The following PLCB1 variants were observed in gnomAD, a reference collection of about 807,000 sequenced individuals.
PLCB1 encodes phospholipase C beta 1.
Under a neutral mutation model 161.8 loss-of-function variants are expected in PLCB1, and 46 were observed. That is an observed-to-expected ratio of 0.28 (90% CI 0.22 to 0.36). PLCB1 has a LOEUF of 0.36. PLCB1 is among the 10% of genes least tolerant of loss of function. The pLI is 1.00. For missense variants in PLCB1, 1,016 were observed against 1,472.5 expected, an observed-to-expected ratio of 0.69 and a Z score of 5.07; for synonymous variants, 517 against 503.7, an observed-to-expected ratio of 1.03 and a Z score of -0.35.
intron 3 of PLCB1, among the ~76,000 whole-genome samples, chr20:8,612,818 C>A (rs920605200): frequency 6.6e-5 from 10 of 152,160 alleles, no homozygotes; most frequent in Non-Finnish European, 1.3e-4. Context: ...AAATACTCTA[C>A]CCCTGAGCTG....
intron 2 of PLCB1, among the ~76,000 whole-genome samples, chr20:8,269,062 A>G (rs1200157091): frequency 6.6e-6 from 1 of 151,990 alleles, no homozygotes; most frequent in Non-Finnish European, 1.5e-5. Context: ...ATTGATCCTG[A>G]GAATTTATGA....
chr20:8,140,790 A>C (rs981423011), intron 1 of PLCB1, among the ~76,000 whole-genome samples: 2 of 151,918 alleles, frequency 1.3e-5, no homozygotes, highest in Non-Finnish European at 2.9e-5. Context: ...ACAACAAAAA[A>C]CTTTTTATTT....
chr20:8,313,848 G>T (rs1334441243), intron 2 of PLCB1, among the ~76,000 whole-genome samples: 1 of 151,964 alleles, frequency 6.6e-6, no homozygotes, highest in Non-Finnish European at 1.5e-5. Context: ...ATACTTTCCT[G>T]GAAGCCTAAT....
intron 2 of PLCB1, among the ~76,000 whole-genome samples, chr20:8,186,667 G>A (rs766800527): frequency 3.3e-5 from 5 of 152,166 alleles, no homozygotes; most frequent in African/African-American, 4.8e-5. Context: ...TCTCTGAGAA[G>A]CAGACATCAT....
At chr20:8,722,739 A>G (rs1341850024) in intron 15 of PLCB1, among the ~76,000 whole-genome samples, 1 of 152,216 alleles carries the variant, frequency 6.6e-6, no homozygotes, top group African/African-American at 2.4e-5. Flanking sequence ...CACAGAACCT[A>G]GAAGAGAATC....
intron 22 of PLCB1, 27 bp from the exon 23 acceptor site, chr20:8,741,437 G>T (rs1314612263): frequency 2.0e-6 from 3 of 1,472,128 alleles, no homozygotes; most frequent in South Asian, 1.1e-5. Flanking sequence ...CAGGACCTTT[G>T]ATCTAAAATA....
intron 9 of PLCB1, among the ~76,000 whole-genome samples, chr20:8,674,688 C>A (rs1426306281): frequency 3.3e-5 from 5 of 152,162 alleles, no homozygotes; most frequent in Non-Finnish European, 5.9e-5. Flanking sequence ...GAGCTTCTCT[C>A]TTCAGGACAT....
intron 3 of PLCB1, among the ~76,000 whole-genome samples, chr20:8,619,091 T>C (rs1988107669): frequency 1.3e-5 from 2 of 152,180 alleles, no homozygotes; most frequent in Admixed American, 1.3e-4. Flanking sequence ...TGTAGTGAAC[T>C]GGTGGGAAAT....
chr20:8,834,825 A>AGCC (rs1986208173), intron 31 of PLCB1, among the ~76,000 whole-genome samples: 3 of 148,828 alleles, frequency 2.0e-5, no homozygotes, highest in Non-Finnish European at 3.0e-5. Flanking sequence ...AAAAAAAAAA[A>AGCC]AAAAAAAAAA....
intron 11 of PLCB1, among the ~76,000 whole-genome samples, chr20:8,705,174 A>C (rs2123445343): frequency 6.6e-6 from 1 of 152,182 alleles, no homozygotes; most frequent in East Asian, 1.9e-4. Context: ...TTGACACATA[A>C]AATTAATCAT....
chr20:8,275,133 G>C (rs1982467391), intron 2 of PLCB1, among the ~76,000 whole-genome samples: 1 of 152,010 alleles, frequency 6.6e-6, no homozygotes, highest in Admixed American at 6.6e-5. Flanking sequence ...ATTTTCTTGA[G>C]AAGGGAGGCT....
intron 2 of PLCB1, among the ~76,000 whole-genome samples, chr20:8,254,061 C>T (rs1460111417): frequency 1.3e-5 from 2 of 151,908 alleles, no homozygotes; most frequent in African/African-American, 4.8e-5. Context: ...TTGCTATTCA[C>T]ACATATATTG....
intron 18 of PLCB1, among the ~76,000 whole-genome samples, chr20:8,730,146 G>C (rs902957606): frequency 7.9e-5 from 12 of 151,908 alleles, no homozygotes; most frequent in African/African-American, 2.9e-4. Context: ...AGACAATTCA[G>C]TGGATCAGGT....
intron 3 of PLCB1, among the ~76,000 whole-genome samples, chr20:8,548,912 T>G (rs1985670884): frequency 6.6e-6 from 1 of 152,204 alleles, no homozygotes; most frequent in South Asian, 2.1e-4. Flanking sequence ...GAAAATAAGC[T>G]ATTTAACATT....
chr20:8,866,009 G>C (rs6086667), intron 31 of PLCB1, among the ~76,000 whole-genome samples: 45,628 of 152,126 alleles, frequency 0.3, 7,778 homozygotes, highest in East Asian at 0.65. Flanking sequence ...TGACGACTTT[G>C]TATTCCAAGT....
At chr20:8,379,081 C>T (rs1480680294) in intron 3 of PLCB1, among the ~76,000 whole-genome samples, 3 of 151,736 alleles carry the variant, frequency 2.0e-5, no homozygotes, top group Non-Finnish European at 4.4e-5. Flanking sequence ...TTGACTCGTC[C>T]TGTAAGTTCC....
intron 3 of PLCB1, among the ~76,000 whole-genome samples, chr20:8,415,850 C>T (rs1422574736): frequency 6.6e-6 from 1 of 152,168 alleles, no homozygotes; most frequent in Non-Finnish European, 1.5e-5. Flanking sequence ...TCCAGGGCAA[C>T]ACCATGAATC....
At chr20:8,740,577 C>T (rs1980825029) in intron 22 of PLCB1, 129 bp downstream of exon 22, 3 of 513,812 alleles carry the variant, frequency 5.8e-6, no homozygotes, top group Non-Finnish European at 1.0e-5. Context: ...AGAATCACCC[C>T]TACTTTCGTA....
chr20:8,180,109 C>T (rs148821488), intron 2 of PLCB1, among the ~76,000 whole-genome samples: 11,665 of 151,974 alleles, frequency 0.077, 600 homozygotes, highest in Middle Eastern at 0.15. Context: ...CCGCCCGCCT[C>T]GGCCTCCCAA....
Sources: gnomAD v4.1 joint callset for allele counts (sites outside exome capture counted in the v4.1 genomes callset) on GRCh38, gnomAD v4.1.1 for gene constraint, MANE v1.5 for transcripts, NCBI Gene and HGNC (gene_info 2026-07-23, HGNC 2026-07-21) for gene names.